Variants in PTPN21 observed in about 807,000 individuals in gnomAD.
The protein encoded by PTPN21 is protein tyrosine phosphatase non-receptor type 21, also known as tyrosine-protein phosphatase non-receptor type 21.
PTPN21 carries 77 observed loss-of-function variants against 131.8 expected under a neutral mutation model. The observed-to-expected ratio is 0.58, with a 90% CI of 0.49 to 0.71. The LOEUF is 0.71. Among genes scored for constraint, PTPN21 ranks in the 30% least tolerant of loss-of-function variants. The pLI, the probability that PTPN21 is intolerant of heterozygous loss-of-function variation, is 0.00. For synonymous variants in PTPN21, 715 were observed against 621.3 expected (o/e 1.15, Z -2.24); for missense variants, 1,552 against 1,527.1 (o/e 1.02, Z -0.27).
intron 2 of PTPN21, chr14:88,547,494 T>TAA: frequency 3.6e-6 from 1 of 275,540 alleles, no homozygotes. Flanking sequence ...AAACACAAGT[T>TAA]AAAAAAAAAA....
intron 5 of PTPN21, 59 bp from the exon 6 acceptor site, chr14:88,504,554 T>G: frequency 7.2e-7 from 1 of 1,379,760 alleles, no homozygotes; most frequent in Non-Finnish European, 1.0e-6. Flanking sequence ...TTAGAAGGAA[T>G]CATGGCCATT....
At chr14:88,553,219 T>C (rs979747080) in intron 1 of PTPN21, among the ~76,000 whole-genome samples, 1 of 152,240 alleles carries the variant, frequency 6.6e-6, no homozygotes. Context: ...GTCAAAATTA[T>C]CTCTTATTTT....
intron 2 of PTPN21, among the ~76,000 whole-genome samples, chr14:88,521,250 T>G (rs1250176578): frequency 6.6e-6 from 1 of 152,208 alleles, no homozygotes; most frequent in African/African-American, 2.4e-5. Flanking sequence ...ATTACCTACA[T>G]GTATTTGATT....
At chr14:88,507,775 G>T in intron 4 of PTPN21, 148 bp downstream of exon 4, 1 of 466,414 alleles carries the variant, frequency 2.1e-6, no homozygotes, top group Non-Finnish European at 3.6e-6. Context: ...TTTCCCAAAA[G>T]GAAGCCCCTT....
chr14:88,546,253 G>A (rs192915452), intron 2 of PTPN21, among the ~76,000 whole-genome samples: 4 of 151,720 alleles, frequency 2.6e-5, no homozygotes, highest in Admixed American at 2.6e-4. Context: ...ACTATTGTGC[G>A]GCCCTTGTAA....
intron 3 of PTPN21, among the ~76,000 whole-genome samples, chr14:88,514,539 G>A (rs753013007): frequency 8.0e-5 from 12 of 150,122 alleles, no homozygotes; most frequent in African/African-American, 1.7e-4. Context: ...ATCTCGGCTC[G>A]CTGCAACCTC....
rs777174399 is a variant in PTPN21, at chr14:88,485,795, G to A, written c.980C>T (p.Ser327Leu). Reference protein sequence around the residue: ...TVNPIRRRSSSRMSLPKPQPY... With the variant: ...TVNPIRRRSSLRMSLPKPQPY... ...CTTGTTTCTTACCAGAGACATCCTT[G>A]AAGAAGACCTCCTCCTGATTGGGTT... is the stretch of plus-strand genomic sequence containing the variant. Residue 327 changes from serine (S) to leucine (L), a missense_variant, in exon 11 of 19, where the codon TCA becomes TTA. Ser to Leu is a moderately radical substitution (Grantham distance 145). Transcript: ENST00000556564. 1 of 1,606,904 alleles carries A rather than the reference G, an allele frequency of 6.2e-7. No homozygotes were observed. Among genetic ancestry groups the A allele is most frequent in the Admixed American group, 1.7e-5 (1 of 59,956 alleles).
At chr14:88,554,315 A>C (rs1228362410) in intron 1 of PTPN21, among the ~76,000 whole-genome samples, 1 of 152,218 alleles carries the variant, frequency 6.6e-6, no homozygotes, top group African/African-American at 2.4e-5. Context: ...CCTTCTCGCC[A>C]AAGTTATCTG....
chr14:88,517,167 G>A lies in PTPN21; in HGVS notation c.275C>T (p.Ala92Val), dbSNP rs759457122. ...KPLKKQLDKY[A>V]LEPTVYFGVV... ...TCCAAAATAGACGGTAGGTTCCAAT[G>A]CATATTTATCCAGCTGCTTCTTCAA... The change falls in exon 3 of 19, where the codon GCA becomes GTA. Residue 92 changes from alanine (A) to valine (V), a missense_variant. Ala to Val is a moderately conservative substitution (Grantham distance 64, BLOSUM62 0). This residue lies in a region of PTPN21 where 206 missense variants were observed against 221.6 expected (regional missense o/e 0.93). Coordinates refer to ENST00000556564, the MANE Select transcript of PTPN21 (RefSeq NM_007039.4). The A allele has an allele frequency of 1.2e-6, 2 of 1,614,084 alleles. No individual in the cohort carries two copies. The highest frequency in any genetic ancestry group is 2.2e-5 in the South Asian group (2 of 91,076).
chr14:88,518,276 ACACACACATACG>A (rs1198581562), intron 2 of PTPN21, among the ~76,000 whole-genome samples: 4 of 108,752 alleles, frequency 3.7e-5, no homozygotes, highest in Non-Finnish European at 7.4e-5. Flanking sequence ...ATATATATAC[ACACACACATACG>A]CACACACACA....
rs150019866 is a variant in PTPN21, at chr14:88,542,289, A to C, written c.180+7949T>G. On this transcript the variant is annotated intron_variant, in intron 2 of 18. Transcript: ENST00000556564. ...CAGCAGAAAGTCAAAGCTTCTAGAGATATTAGAAGGAATGGAATCTGATTC... is the reference window on the plus strand; with the variant it reads ...CAGCAGAAAGTCAAAGCTTCTAGAGCTATTAGAAGGAATGGAATCTGATTC... 7.9e-4 allele frequency among the ~76,000 whole-genome samples: 120 copies of C among 152,344 alleles called. 1 individual carries two copies. The highest frequency in any genetic ancestry group is 3.4e-3 in the Middle Eastern group (1 of 294).
chr14:88,493,655 G>T (rs950154640), intron 10 of PTPN21, among the ~76,000 whole-genome samples: 2 of 152,200 alleles, frequency 1.3e-5, no homozygotes, highest in African/African-American at 2.4e-5. Context: ...GATAGGGCGT[G>T]GGGGGCCAAG....
intron 3 of PTPN21, among the ~76,000 whole-genome samples, chr14:88,515,817 A>G (rs2078260762): frequency 6.6e-6 from 1 of 151,880 alleles, no homozygotes; most frequent in South Asian, 2.1e-4. Context: ...TTCACCTCCC[A>G]CTCTATTCAA....
intron 2 of PTPN21, among the ~76,000 whole-genome samples, chr14:88,520,301 C>T (rs1248526911): frequency 6.6e-6 from 1 of 151,930 alleles, no homozygotes; most frequent in East Asian, 1.9e-4. Flanking sequence ...CCTGTAGTCT[C>T]ATCTACTTGG....
intron 3 of PTPN21, chr14:88,512,226 T>C (rs554171485): frequency 1.3e-5 from 2 of 152,334 alleles, no homozygotes; most frequent in South Asian, 4.1e-4. Context: ...CTTCAGTACA[T>C]ATCCCTAAAA....
intron 13 of PTPN21, among the ~76,000 whole-genome samples, chr14:88,477,541 T>C (rs2077566492): frequency 1.3e-5 from 2 of 151,952 alleles, no homozygotes; most frequent in African/African-American, 2.4e-5. Context: ...CTTTCATAAG[T>C]ACTATAATAG....
intron 11 of PTPN21, 74 bp from the exon 12 acceptor site, chr14:88,485,234 G>T (rs548370002): frequency 5.5e-6 from 5 of 910,068 alleles, no homozygotes; most frequent in South Asian, 2.4e-5. Context: ...TTATCCACTG[G>T]ATTCTTTCTG....
In PTPN21 at chr14:88,501,481, C is replaced by T. The variant is rs529049218; in HGVS notation, c.588-113G>A. ...AGCATAAGACATTATAAACATTTCA[C>T]GTTTCTAAGCATCTATAATTGGCTA... On this transcript the variant is annotated intron_variant, in intron 6 of 18. Transcript: ENST00000556564. The T allele has an allele frequency of 7.4e-5, 67 of 910,510 alleles. No homozygotes were observed. In the African/African-American group the frequency reaches 9.6e-4, roughly 13 times the overall value. 56.4% of individuals were successfully genotyped at this position (910,510 alleles called of 1,614,324 possible).
intron 1 of PTPN21, among the ~76,000 whole-genome samples, chr14:88,553,163 G>C (rs1566859348): frequency 6.6e-6 from 1 of 152,012 alleles, no homozygotes; most frequent in Non-Finnish European, 1.5e-5. Context: ...ACTTTCAATT[G>C]TCCCTCAGAC....
Sources: allele counts gnomAD v4.1 joint callset (sites outside exome capture counted in the v4.1 genomes callset), GRCh38; gene constraint gnomAD v4.1.1; regional missense constraint gnomAD v4.1.1; transcripts MANE v1.5; gene names NCBI Gene and HGNC (gene_info 2026-07-23, HGNC 2026-07-21).